DNAJC6: variants seen among roughly 807,000 people sequenced by gnomAD.
The protein encoded by DNAJC6 is auxilin.
A neutral mutation model predicts 110.0 loss-of-function variants in DNAJC6; 34 were observed. That is an observed-to-expected ratio of 0.31 (90% CI 0.24 to 0.41). DNAJC6 has a LOEUF of 0.41. Among genes scored for constraint, DNAJC6 ranks in the 10% least tolerant of loss-of-function variants. The pLI is 1.00. For synonymous variants in DNAJC6, 406 were observed against 437.2 expected, an observed-to-expected ratio of 0.93 and a Z score of 0.89; for missense variants, 1,031 against 1,207.8, an observed-to-expected ratio of 0.85 and a Z score of 2.17.
At chr1:65,373,448 T>C (rs1645728057) in intron 4 of DNAJC6, among the ~76,000 whole-genome samples, 1 of 152,198 alleles carries the variant, frequency 6.6e-6, no homozygotes, top group Admixed American at 6.5e-5. Context: ...CATCTGGTAT[T>C]ACCTGCCTTT....
intron 1 of DNAJC6, among the ~76,000 whole-genome samples, chr1:65,327,074 AAAGT>A (rs1645248131): frequency 6.6e-6 from 1 of 152,180 alleles, no homozygotes; most frequent in South Asian, 2.1e-4. Flanking sequence ...GTACAGGTAA[AAAGT>A]AAGAGGGTTG....
chr1:65,360,604 A>G (rs1326427482), intron 1 of DNAJC6, among the ~76,000 whole-genome samples: 2 of 152,166 alleles, frequency 1.3e-5, no homozygotes, highest in African/African-American at 4.8e-5. Flanking sequence ...CTCTATCCTC[A>G]CTATATTTAA....
intron 1 of DNAJC6, among the ~76,000 whole-genome samples, chr1:65,318,374 T>G (rs1190392737): frequency 6.6e-6 from 1 of 152,140 alleles, no homozygotes; most frequent in Non-Finnish European, 1.5e-5. Flanking sequence ...ACAAAAGTCA[T>G]ACTGCAGCCC....
At chr1:65,335,181 C>T (rs1277246117) in intron 1 of DNAJC6, among the ~76,000 whole-genome samples, 1 of 151,314 alleles carries the variant, frequency 6.6e-6, no homozygotes, top group Non-Finnish European at 1.5e-5. Context: ...GATCTTGGCT[C>T]ACTGCAACCT....
At chr1:65,364,836 A>G (rs1304149680) in intron 2 of DNAJC6, 51 bp downstream of exon 2, 5 of 1,600,126 alleles carry the variant, frequency 3.1e-6, no homozygotes, top group Non-Finnish European at 4.3e-6. Context: ...CTCTCAAAGG[A>G]TCTGGTTACC....
intron 7 of DNAJC6, among the ~76,000 whole-genome samples, chr1:65,386,591 G>C (rs758704259): frequency 6.6e-6 from 1 of 152,174 alleles, no homozygotes; most frequent in South Asian, 2.1e-4. Context: ...AGTCCAGATG[G>C]GATGCAGAGA....
At chr1:65,393,007 A>G (rs1645943947) in intron 12 of DNAJC6, 142 bp downstream of exon 12, 1 of 751,984 alleles carries the variant, frequency 1.3e-6, no homozygotes, top group Non-Finnish European at 1.9e-6. Flanking sequence ...ATCTTTATTT[A>G]AATTGAGAGC....
At position 65,411,454 on chromosome 1, in the gene DNAJC6, C is replaced by T. The variant is rs370604613; in HGVS notation, c.2811+28C>T. 7 of 1,592,600 alleles carry T rather than the reference C, an allele frequency of 4.4e-6. No individual in the cohort carries two copies. The South Asian group carries it at 5.6e-5, about 13-fold the overall frequency. ...GGGTATAACCTGCCCTGTTGTGTAA[C>T]TTGTCAGGTCCTTGCTTCATTATCT... is the stretch of plus-strand genomic sequence containing the variant. On this transcript the variant is annotated intron_variant, in intron 18 of 18. Transcript: ENST00000371069.
At chr1:65,403,756 G>A (rs1646050636) in intron 15 of DNAJC6, among the ~76,000 whole-genome samples, 1 of 152,174 alleles carries the variant, frequency 6.6e-6, no homozygotes, top group Non-Finnish European at 1.5e-5. Flanking sequence ...TGCTTCAATA[G>A]CATTAACAAT....
intron 18 of DNAJC6, among the ~76,000 whole-genome samples, chr1:65,412,089 G>T (rs552816817): frequency 1.3e-5 from 2 of 152,276 alleles, no homozygotes; most frequent in East Asian, 1.9e-4. Flanking sequence ...TAGCTAGGAT[G>T]GTAATGAAAA....
chr1:65,367,804 A>G (rs1645663028), intron 4 of DNAJC6, among the ~76,000 whole-genome samples: 1 of 152,112 alleles, frequency 6.6e-6, no homozygotes, highest in South Asian at 2.1e-4. Context: ...GGTTTACCAA[A>G]GGAATCAGAG....
intron 1 of DNAJC6, among the ~76,000 whole-genome samples, chr1:65,286,612 A>G (rs1654027558): frequency 6.6e-6 from 1 of 152,198 alleles, no homozygotes; most frequent in Admixed American, 6.5e-5. Flanking sequence ...TGAAAAGCCC[A>G]TGTGCAGAAG....
At position 65,395,048 on chromosome 1, in the gene DNAJC6, A is replaced by G. The variant is rs1570369091; in HGVS notation, c.2038+16A>G. 1 of 1,597,678 alleles carries G rather than the reference A, an allele frequency of 6.3e-7. No homozygotes were observed. Among genetic ancestry groups the G allele is most frequent in the Non-Finnish European group, 8.5e-7 (1 of 1,174,468 alleles). ...ACAGTACATGGTAAGGAAATATTTT[A>G]TATTGTGTTCAGTGGAACATAGTTT... On this transcript the variant is annotated intron_variant, in intron 13 of 18. Coordinates refer to ENST00000371069, the MANE Select transcript of DNAJC6 (RefSeq NM_001256864.2).
intron 6 of DNAJC6, among the ~76,000 whole-genome samples, chr1:65,385,165 A>G (rs1206785600): frequency 6.6e-6 from 1 of 152,272 alleles, no homozygotes; most frequent in Non-Finnish European, 1.5e-5. Flanking sequence ...ATGCAAAAAT[A>G]CATAGAGAAT....
intron 4 of DNAJC6, among the ~76,000 whole-genome samples, chr1:65,371,358 A>G (rs941577835): frequency 7.2e-5 from 11 of 152,298 alleles, no homozygotes; most frequent in African/African-American, 2.2e-4. Flanking sequence ...GGATATGCCA[A>G]TAAGAGAGTG....
intron 1 of DNAJC6, among the ~76,000 whole-genome samples, chr1:65,276,841 A>G (rs1442458778): frequency 6.6e-6 from 1 of 152,056 alleles, no homozygotes; most frequent in Non-Finnish European, 1.5e-5. Flanking sequence ...ACTGTCTAAA[A>G]TTCTGCAGGC....
At chr1:65,290,058 C>A (rs1232176642) in intron 1 of DNAJC6, among the ~76,000 whole-genome samples, 1 of 152,260 alleles carries the variant, frequency 6.6e-6, no homozygotes, top group African/African-American at 2.4e-5. Context: ...GATCCACCCG[C>A]CTCGGCCTCC....
At chr1:65,316,789 GA>G (rs1372605617) in intron 1 of DNAJC6, among the ~76,000 whole-genome samples, 1 of 152,150 alleles carries the variant, frequency 6.6e-6, no homozygotes, top group African/African-American at 2.4e-5. Context: ...GGAAGTGAAA[GA>G]AAGATGGTTA....
intron 1 of DNAJC6, among the ~76,000 whole-genome samples, chr1:65,273,990 T>G (rs368535053): frequency 1.3e-5 from 2 of 152,214 alleles, no homozygotes; most frequent in Non-Finnish European, 2.9e-5. Flanking sequence ...TTGTTAATCC[T>G]GAGGTGCGGA....
Sources: allele counts gnomAD v4.1 joint callset (sites outside exome capture counted in the v4.1 genomes callset), GRCh38; gene constraint gnomAD v4.1.1; transcripts MANE v1.5; gene names NCBI Gene and HGNC (gene_info 2026-07-23, HGNC 2026-07-21).